SPRED2: variants seen among roughly 807,000 people sequenced by gnomAD.
SPRED2 encodes sprouty related EVH1 domain containing 2, also known as sprouty-related, EVH1 domain-containing protein 2.
A neutral mutation model predicts 43.0 loss-of-function variants in SPRED2; 47 were observed. That is an observed-to-expected ratio of 1.09 (90% CI 0.87 to 1.40). SPRED2 has a LOEUF of 1.40. Among genes scored for constraint, SPRED2 ranks in the 40% most tolerant of loss-of-function variants. The pLI is 0.00. For synonymous variants in SPRED2, 225 were observed against 225.7 expected, an observed-to-expected ratio of 1.00 and a Z score of 0.03; for missense variants, 561 against 586.4, an observed-to-expected ratio of 0.96 and a Z score of 0.45.
At chr2:65,428,633 T>C (rs1676608346) in intron 1 of SPRED2, among the ~76,000 whole-genome samples, 1 of 152,240 alleles carries the variant, frequency 6.6e-6, no homozygotes, top group South Asian at 2.1e-4. Context: ...GTTTTATTAA[T>C]GGGAAACATT....
intron 3 of SPRED2, chr2:65,334,337 C>T: frequency 1.8e-6 from 1 of 557,714 alleles, no homozygotes; most frequent in East Asian, 4.5e-5. Context: ...AAAATACATG[C>T]ACATGGAAAT....
intron 1 of SPRED2, among the ~76,000 whole-genome samples, chr2:65,363,111 A>T (rs1674872600): frequency 6.9e-6 from 1 of 145,424 alleles, no homozygotes. Context: ...GTGGTGGCAC[A>T]TGCCTGTAAT....
chr2:65,307,515 TA>T (rs1274473852), downstream of SPRED2, among the ~76,000 whole-genome samples: 4 of 134,126 alleles, frequency 3.0e-5, no homozygotes, highest in African/African-American at 1.1e-4. Flanking sequence ...TTTTAATAAC[TA>T]CATATGTTAC....
At chr2:65,402,372 C>T (rs1675925769) in intron 1 of SPRED2, among the ~76,000 whole-genome samples, 2 of 150,792 alleles carry the variant, frequency 1.3e-5, no homozygotes, top group Non-Finnish European at 2.9e-5. Context: ...TCTGTCAAGT[C>T]AGGAAAGGCC....
At chr2:65,356,219 C>T (rs1009791044) in intron 1 of SPRED2, among the ~76,000 whole-genome samples, 1 of 152,206 alleles carries the variant, frequency 6.6e-6, no homozygotes, top group East Asian at 1.9e-4. Context: ...ATATTTGCAA[C>T]CTACTTTGAA....
At chr2:65,409,554 A>C (rs1676102347) in intron 1 of SPRED2, among the ~76,000 whole-genome samples, 1 of 152,136 alleles carries the variant, frequency 6.6e-6, no homozygotes, top group Admixed American at 6.5e-5. Flanking sequence ...TCCCTATAAT[A>C]ACACAGCTTT....
chr2:65,402,174 G>C (rs368659135), intron 1 of SPRED2, among the ~76,000 whole-genome samples: 1 of 150,588 alleles, frequency 6.6e-6, no homozygotes, highest in South Asian at 2.1e-4. Flanking sequence ...AGCTACTCGG[G>C]AGCCTGAGGC....
At chr2:65,316,541 G>A (rs191250733) in intron 5 of SPRED2, among the ~76,000 whole-genome samples, 193 bp downstream of exon 5, 11 of 152,346 alleles carry the variant, frequency 7.2e-5, no homozygotes, top group African/African-American at 2.4e-4. Context: ...CTGGCAAGGT[G>A]TCTGGCACAC....
rs146579473 is a variant in SPRED2, at chr2:65,352,500, A to T, written c.27-7604T>A. 3.3e-5 allele frequency among the ~76,000 whole-genome samples: 5 copies of T among 152,362 alleles called. No individual in the cohort carries two copies. The East Asian group carries it at 9.6e-4, about 29-fold the overall frequency. ...AGGGCACTATGCTCTATGTTTATCA[A>T]GAGGAGAAAACAGGCTCTTCCGTCC... On this transcript the variant is annotated intron_variant, in intron 1 of 5. Coordinates refer to ENST00000356388, the MANE Select transcript of SPRED2 (RefSeq NM_181784.3).
chr2:65,399,653 T>A (rs1264382362), intron 1 of SPRED2, among the ~76,000 whole-genome samples: 1 of 152,128 alleles, frequency 6.6e-6, no homozygotes. Flanking sequence ...AGTGCTGGGA[T>A]TACAGGCGTG....
chr2:65,387,858 T>G (rs552531582), intron 1 of SPRED2, among the ~76,000 whole-genome samples: 1 of 151,986 alleles, frequency 6.6e-6, no homozygotes, highest in African/African-American at 2.4e-5. Context: ...AGTGGCATGA[T>G]CTCAGTTCAC....
At chr2:65,431,672 A>G (rs1676698755) in intron 1 of SPRED2, among the ~76,000 whole-genome samples, 1 of 151,968 alleles carries the variant, frequency 6.6e-6, no homozygotes, top group Non-Finnish European at 1.5e-5. Flanking sequence ...GGGGAGCTGT[A>G]AGTCCTCCGA....
intron 1 of SPRED2, among the ~76,000 whole-genome samples, chr2:65,350,862 A>C (rs1249622177): frequency 6.6e-6 from 1 of 152,216 alleles, no homozygotes; most frequent in Non-Finnish European, 1.5e-5. Flanking sequence ...TGGGTCTCAC[A>C]AAGAATGTGT....
intron 1 of SPRED2, among the ~76,000 whole-genome samples, chr2:65,400,315 T>C (rs1460516672): frequency 6.6e-6 from 1 of 152,252 alleles, no homozygotes; most frequent in African/African-American, 2.4e-5. Flanking sequence ...GCTTTATTCC[T>C]ATATTAAATA....
intron 2 of SPRED2, chr2:65,344,429 T>C: frequency 2.0e-6 from 1 of 496,306 alleles, no homozygotes; most frequent in East Asian, 5.0e-5. Context: ...ACTTTTGTTT[T>C]GAATACCTTT....
At position 65,322,292 on chromosome 2, in the gene SPRED2, A is replaced by ATTTTT. The variant is rs1490204181; in HGVS notation, c.439-5410_439-5409insAAAAA. Among the ~76,000 whole-genome samples the ATTTTT allele has an allele frequency of 1.9e-3, 136 of 70,784 alleles. 9 individuals are homozygous for ATTTTT. Among genetic ancestry groups the ATTTTT allele is most frequent in the African/African-American group, 6.3e-3 (88 of 13,896 alleles). The allele number at this position is 70,784 out of a possible 152,430, so 46.4% of individuals were successfully genotyped here. ...TCTCTATATATATATATATATATAT[A>ATTTTT]TATTTTTTTTTTTTTTTTTGAGACG... On this transcript the variant is annotated intron_variant, in intron 4 of 5. Coordinates refer to ENST00000356388, the MANE Select transcript of SPRED2 (RefSeq NM_181784.3).
chr2:65,430,782 A>C (rs1676662896), intron 1 of SPRED2, among the ~76,000 whole-genome samples: 1 of 152,134 alleles, frequency 6.6e-6, no homozygotes, highest in Non-Finnish European at 1.5e-5. Flanking sequence ...GAATGAAAGG[A>C]ACGGATGCAG....
chr2:65,338,291 CTCTCCCTCTCCCG>C (rs1167767602), intron 2 of SPRED2, among the ~76,000 whole-genome samples: 34 of 98,512 alleles, frequency 3.5e-4, no homozygotes, highest in Non-Finnish European at 4.8e-4. Flanking sequence ...TCCCGTCTCC[CTCTCCCTCTCCCG>C]TCTCCCTCTC....
intron 1 of SPRED2, among the ~76,000 whole-genome samples, chr2:65,384,602 C>A (rs1462986429): frequency 3.3e-5 from 5 of 152,148 alleles, no homozygotes; most frequent in African/African-American, 1.2e-4. Context: ...TGAGGCCAGC[C>A]CCTTCCCCAC....
Sources: gnomAD v4.1 joint callset for allele counts (sites outside exome capture counted in the v4.1 genomes callset) on GRCh38, gnomAD v4.1.1 for gene constraint, MANE v1.5 for transcripts, NCBI Gene and HGNC (gene_info 2026-07-23, HGNC 2026-07-21) for gene names.